Variants in CACNB2 observed in about 807,000 individuals in gnomAD.
CACNB2 encodes calcium voltage-gated channel auxiliary subunit beta 2, also known as voltage-dependent L-type calcium channel subunit beta-2.
CACNB2 carries 42 observed loss-of-function variants against 73.3 expected under a neutral mutation model. The ratio of observed to expected loss-of-function variants is 0.57; its 90% confidence interval spans 0.45 to 0.74. The LOEUF is 0.74. Ranked by LOEUF, CACNB2 falls within the 30% of genes least tolerant of loss-of-function variation. The probability of loss-of-function intolerance (pLI) is 0.00; values close to 1 mark genes in which losing one functional copy is unlikely to be tolerated. For synonymous variants in CACNB2, 348 were observed against 310.3 expected (o/e 1.12, Z -1.28); for missense variants, 940 against 853.0 (o/e 1.10, Z -1.27).
At chr10:18,192,848 A>G (rs2034464090) in intron 2 of CACNB2, among the ~76,000 whole-genome samples, 1 of 152,156 alleles carries the variant, frequency 6.6e-6, no homozygotes, top group Admixed American at 6.6e-5. Context: ...ATTTTATAGT[A>G]TTATCATCAT....
intron 6 of CACNB2, among the ~76,000 whole-genome samples, chr10:18,510,162 T>G (rs981043502): frequency 6.6e-6 from 1 of 152,220 alleles, no homozygotes; most frequent in Non-Finnish European, 1.5e-5. Flanking sequence ...ATGTCAGAAC[T>G]AGTACATTAT....
At chr10:18,486,074 T>C (rs1397164861) in intron 3 of CACNB2, among the ~76,000 whole-genome samples, 1 of 152,168 alleles carries the variant, frequency 6.6e-6, no homozygotes, top group African/African-American at 2.4e-5. Flanking sequence ...ACTTTGCTAT[T>C]TAGCATAGTA....
intron 5 of CACNB2, among the ~76,000 whole-genome samples, chr10:18,503,242 A>G (rs759453107): frequency 2.0e-5 from 3 of 152,126 alleles, no homozygotes; most frequent in Non-Finnish European, 2.9e-5. Context: ...TTAATGTTCC[A>G]TTGGCCTTAT....
chr10:18,299,060 A>C (rs1327304880), intron 2 of CACNB2, among the ~76,000 whole-genome samples: 1 of 134,964 alleles, frequency 7.4e-6, no homozygotes, highest in East Asian at 2.0e-4. Flanking sequence ...TAAAACTTAA[A>C]GTATACTAAA....
At chr10:18,375,341 T>G in intron 2 of CACNB2, among the ~76,000 whole-genome samples, 1 of 152,220 alleles carries the variant, frequency 6.6e-6, no homozygotes, top group South Asian at 2.1e-4. Flanking sequence ...TTTATTAAGA[T>G]AAAGATAATC....
intron 9 of CACNB2, among the ~76,000 whole-genome samples, chr10:18,521,247 C>T (rs193119858): frequency 1.3e-5 from 2 of 152,262 alleles, no homozygotes; most frequent in East Asian, 1.9e-4. Context: ...TAAAGGGAGG[C>T]GTAATTAACA....
chr10:18,246,397 C>G (rs1453687209), intron 2 of CACNB2, among the ~76,000 whole-genome samples: 1 of 151,960 alleles, frequency 6.6e-6, no homozygotes, highest in Non-Finnish European at 1.5e-5. Flanking sequence ...CTAGTTCTCT[C>G]TTTCTTTTAA....
At chr10:18,336,548 G>T (rs149641582) in intron 2 of CACNB2, among the ~76,000 whole-genome samples, 18 of 152,238 alleles carry the variant, frequency 1.2e-4, no homozygotes, top group African/African-American at 3.9e-4. Context: ...GAACCTGGGA[G>T]GCGGAGGCTG....
intron 9 of CACNB2, chr10:18,519,581 G>T: frequency 2.5e-6 from 1 of 397,472 alleles, no homozygotes; most frequent in South Asian, 1.9e-5. Context: ...ATACAGAGCC[G>T]TAATCATCCT....
intron 2 of CACNB2, among the ~76,000 whole-genome samples, chr10:18,168,527 G>GTGT (rs1393150167): frequency 6.6e-6 from 1 of 152,024 alleles, no homozygotes; most frequent in Non-Finnish European, 1.5e-5. Flanking sequence ...GTGAGTGTGT[G>GTGT]TGTTTTGTTG....
Position 18,309,173 on chromosome 10 carries a change from GTTATC to G in CACNB2, c.214-92746_214-92742del, listed in dbSNP as rs1299306766. 3.3e-5 allele frequency among the ~76,000 whole-genome samples: 5 copies of G among 152,222 alleles called. No individual in the cohort carries two copies. In the East Asian group the frequency reaches 7.7e-4, roughly 24 times the overall value. On this transcript the variant is annotated intron_variant, in intron 2 of 13. Coordinates refer to ENST00000324631, the MANE Select transcript of CACNB2 (RefSeq NM_201596.3). ...GAATGGTTATTTTCAGACTAAATATGTTATCTTATTTTTTATATGTTTAAAGGTAG... is the reference window on the plus strand; with the variant it reads ...GAATGGTTATTTTCAGACTAAATATGTTATTTTTTATATGTTTAAAGGTAG...
chr10:18,511,901 A>G (rs1198457424), intron 6 of CACNB2, among the ~76,000 whole-genome samples: 1 of 152,208 alleles, frequency 6.6e-6, no homozygotes, highest in Admixed American at 6.5e-5. Flanking sequence ...CAGGAGGAGT[A>G]GGTCTGAATC....
chr10:18,240,452 G>T (rs1370118316), intron 2 of CACNB2, among the ~76,000 whole-genome samples: 1 of 152,140 alleles, frequency 6.6e-6, no homozygotes, highest in Non-Finnish European at 1.5e-5. Context: ...TGCCTGCAGG[G>T]AGATATTGAG....
At chr10:18,442,380 C>T (rs1054530183) in intron 3 of CACNB2, among the ~76,000 whole-genome samples, 16 of 151,790 alleles carry the variant, frequency 1.1e-4, no homozygotes, top group Non-Finnish European at 2.2e-4. Context: ...AAACCCCTGA[C>T]CTCAGGTGAT....
intron 3 of CACNB2, among the ~76,000 whole-genome samples, chr10:18,482,857 T>G (rs1458281526): frequency 6.6e-6 from 1 of 152,160 alleles, no homozygotes; most frequent in African/African-American, 2.4e-5. Context: ...CATGTTATTC[T>G]CAGAGTTTAT....
chr10:18,489,350 A>T (rs2049270197), intron 3 of CACNB2, among the ~76,000 whole-genome samples: 2 of 134,944 alleles, frequency 1.5e-5, no homozygotes, highest in Admixed American at 1.8e-4. Context: ...AGACCTAACC[A>T]TTGCACCCTA....
intron 2 of CACNB2, among the ~76,000 whole-genome samples, chr10:18,332,479 T>C (rs752300469): frequency 2.7e-4 from 41 of 152,282 alleles, no homozygotes; most frequent in Non-Finnish European, 5.6e-4. Context: ...AATGCAACAA[T>C]CTGGAACTCA....
At chr10:18,519,163 C>T (rs773523786) in intron 9 of CACNB2, among the ~76,000 whole-genome samples, 195 bp downstream of exon 9, 4 of 152,204 alleles carry the variant, frequency 2.6e-5, no homozygotes, top group Non-Finnish European at 4.4e-5. Context: ...CCCCTGATGT[C>T]TAGTTCCTGT....
At chr10:18,228,882 G>A (rs1453107063) in intron 2 of CACNB2, among the ~76,000 whole-genome samples, 1 of 152,116 alleles carries the variant, frequency 6.6e-6, no homozygotes, top group African/African-American at 2.4e-5. Flanking sequence ...GGGATTACAA[G>A]CATGTGCCAC....
Sources: gnomAD v4.1 joint callset for allele counts (sites outside exome capture counted in the v4.1 genomes callset) on GRCh38, gnomAD v4.1.1 for gene constraint, MANE v1.5 for transcripts, NCBI Gene and HGNC (gene_info 2026-07-23, HGNC 2026-07-21) for gene names.